Variants in CDK5RAP2 observed in about 807,000 individuals in gnomAD.
CDK5RAP2 encodes CDK5 regulatory subunit associated protein 2.
In CDK5RAP2, 147 loss-of-function variants were observed where a neutral mutation model predicts 232.9. That is an observed-to-expected ratio of 0.63 (90% CI 0.55 to 0.72). The LOEUF (loss-of-function observed/expected upper bound fraction) is 0.72, where lower values mean the gene tolerates loss of function less well. Among genes scored for constraint, CDK5RAP2 ranks in the 30% least tolerant of loss-of-function variants. CDK5RAP2 has a pLI of 0.00. For synonymous variants in CDK5RAP2, 833 were observed against 833.7 expected (o/e 1.00, Z 0.01); for missense variants, 2,195 against 2,231.5 (o/e 0.98, Z 0.33).
chr9:120,531,236 C>G (rs1183137539), intron 7 of CDK5RAP2, among the ~76,000 whole-genome samples: 2 of 152,022 alleles, frequency 1.3e-5, no homozygotes, highest in Non-Finnish European at 2.9e-5. Context: ...GCTATTCCTT[C>G]TACCTAAAAT....
At chr9:120,410,883 T>G (rs571126266) in intron 29 of CDK5RAP2, among the ~76,000 whole-genome samples, 1 of 152,220 alleles carries the variant, frequency 6.6e-6, no homozygotes, top group Non-Finnish European at 1.5e-5. Flanking sequence ...TGAAAGCTCT[T>G]TGGGAGCCAA....
At position 120,403,332 on chromosome 9, in the gene CDK5RAP2, G is replaced by C; in HGVS notation, c.5042-261C>G. 1 of 485,968 alleles carries C rather than the reference G, an allele frequency of 2.1e-6. No individual in the cohort carries two copies. The highest frequency in any genetic ancestry group is 3.8e-6 in the Non-Finnish European group (1 of 266,200). The allele number at this position is 485,968 out of a possible 1,614,324, so 30.1% of individuals were successfully genotyped here. On this transcript the variant is annotated intron_variant, in intron 33 of 37. Coordinates refer to ENST00000349780, the MANE Select transcript of CDK5RAP2 (RefSeq NM_018249.6). The surrounding 1 kb of genome is among the most constrained non-coding windows in gnomAD (Gnocchi z 4.2). ...ACCACCCACTCGGCAGAAGACCCCA[G>C]ATTCACAAGGATGACTCAAGCTGGT...
At chr9:120,413,774 A>AG (rs1051925771) in intron 28 of CDK5RAP2, among the ~76,000 whole-genome samples, 1 of 132,628 alleles carries the variant, frequency 7.5e-6, no homozygotes, top group Admixed American at 7.7e-5. Context: ...CCTGAGGGTG[A>AG]GGGGGGTATA....
intron 3 of CDK5RAP2, among the ~76,000 whole-genome samples, chr9:120,567,203 C>T (rs960207928): frequency 1.3e-5 from 2 of 152,190 alleles, no homozygotes; most frequent in African/African-American, 4.8e-5. Flanking sequence ...CAGCATAGAT[C>T]GAGTTGTACA....
At chr9:120,570,765 C>G (rs191372320) in intron 2 of CDK5RAP2, among the ~76,000 whole-genome samples, 67 of 151,512 alleles carry the variant, frequency 4.4e-4, no homozygotes, top group Non-Finnish European at 8.4e-4. Context: ...CTTGAACCCA[C>G]GAGGCGGAGG....
chr9:120,471,229 G>A (rs2037685952), intron 16 of CDK5RAP2, among the ~76,000 whole-genome samples: 1 of 152,198 alleles, frequency 6.6e-6, no homozygotes, highest in South Asian at 2.1e-4. Flanking sequence ...TCTACCAGGG[G>A]AGAGGGTCAA....
At chr9:120,423,606 CAA>C (rs899806848) in intron 25 of CDK5RAP2, among the ~76,000 whole-genome samples, 15 of 152,296 alleles carry the variant, frequency 9.8e-5, no homozygotes, top group Non-Finnish European at 1.8e-4. Flanking sequence ...GCCTAGATTT[CAA>C]AGAGACTAAC....
intron 3 of CDK5RAP2, among the ~76,000 whole-genome samples, chr9:120,552,275 G>A (rs1489852739): frequency 3.3e-5 from 5 of 151,982 alleles, no homozygotes; most frequent in Admixed American, 2.6e-4. Flanking sequence ...CATTGTGGAA[G>A]TCAGTGTGGC....
chr9:120,465,758 C>T (rs2037344027), intron 18 of CDK5RAP2, among the ~76,000 whole-genome samples: 1 of 150,486 alleles, frequency 6.6e-6, no homozygotes, highest in South Asian at 2.1e-4. Context: ...CAAAGACATT[C>T]ATTAGGAAAT....
At position 120,407,206 on chromosome 9, in the gene CDK5RAP2, T is replaced by G. The variant is rs746195933; in HGVS notation, c.4769A>C (p.Asp1590Ala). ...GATCTCCATCAGGAGGCTGTGCAGG[T>G]CCCTGAAAGGATCCTGCCCCTTCCA... ...EGWKGQDPFR[D>A]LHSLLMEIQA... Residue 1590 changes from aspartate to alanine, a missense_variant, in exon 32 of 38, where the codon GAC becomes GCC. Asp to Ala is a moderately radical substitution (Grantham distance 126). Coordinates refer to ENST00000349780, the MANE Select transcript of CDK5RAP2 (RefSeq NM_018249.6). The G allele has an allele frequency of 1.9e-6, 3 of 1,613,548 alleles. No individual in the cohort carries two copies. In the South Asian group the frequency reaches 3.3e-5, roughly 18 times the overall value.
intron 25 of CDK5RAP2, among the ~76,000 whole-genome samples, chr9:120,428,354 C>T (rs1311149356): frequency 2.0e-5 from 3 of 151,892 alleles, no homozygotes; most frequent in South Asian, 2.1e-4. Context: ...ATTGATAGAC[C>T]GCTAGCAAGA....
At chr9:120,414,663 A>G (rs2034098654) in intron 28 of CDK5RAP2, among the ~76,000 whole-genome samples, 1 of 152,162 alleles carries the variant, frequency 6.6e-6, no homozygotes, top group Non-Finnish European at 1.5e-5. Flanking sequence ...AGTGGGCGGT[A>G]ATGTTTTTAA....
intron 28 of CDK5RAP2, among the ~76,000 whole-genome samples, chr9:120,412,869 A>T (rs1446665706): frequency 2.0e-5 from 3 of 152,044 alleles, no homozygotes; most frequent in Non-Finnish European, 4.4e-5. Context: ...AAGGTTATCT[A>T]ATTGTTTTAC....
In CDK5RAP2 at chr9:120,524,975, T is replaced by C. The variant is rs758589118; in HGVS notation, c.1092+11A>G. On this transcript the variant is annotated intron_variant, in intron 11 of 37. Coordinates refer to ENST00000349780, the MANE Select transcript of CDK5RAP2 (RefSeq NM_018249.6). ...CAAAGAGACAGCCACTTAAGCCAAG[T>C]GTACACTTACCTGAAATTCCTGGGT... 51 of 1,605,716 alleles carry C rather than the reference T, an allele frequency of 3.2e-5. No individual in the cohort carries two copies. In the Admixed American group the frequency reaches 8.2e-4, roughly 26 times the overall value.
intron 20 of CDK5RAP2, among the ~76,000 whole-genome samples, chr9:120,455,799 G>A (rs965975411): frequency 2.0e-5 from 3 of 151,782 alleles, no homozygotes; most frequent in Admixed American, 1.3e-4. Context: ...TGGACGGAGA[G>A]GCCTTGCACA....
At chr9:120,529,489 T>C (rs146750410) in intron 8 of CDK5RAP2, among the ~76,000 whole-genome samples, 78 of 152,278 alleles carry the variant, frequency 5.1e-4, no homozygotes, top group African/African-American at 1.8e-3. Context: ...GACCATGAGC[T>C]CTACCTTGCC....
chr9:120,424,719 T>A (rs889939133), intron 25 of CDK5RAP2, among the ~76,000 whole-genome samples: 3 of 148,544 alleles, frequency 2.0e-5, no homozygotes, highest in Admixed American at 1.3e-4. Flanking sequence ...TTTTTTTTTT[T>A]AATGGAGTCT....
chr9:120,468,110 G>T, intron 17 of CDK5RAP2, 113 bp from the exon 18 acceptor site: 1 of 1,003,490 alleles, frequency 1.0e-6, no homozygotes, highest in Non-Finnish European at 1.6e-6. Context: ...CAGTTACGGG[G>T]AATCAGGCTG....
At chr9:120,559,281 G>A (rs577947735) in intron 3 of CDK5RAP2, among the ~76,000 whole-genome samples, 1 of 152,174 alleles carries the variant, frequency 6.6e-6, no homozygotes, top group South Asian at 2.1e-4. Context: ...GAGGTCAGGA[G>A]ATCGAGACCA....
Sources: gnomAD v4.1 joint callset for allele counts (sites outside exome capture counted in the v4.1 genomes callset) on GRCh38, gnomAD v4.1.1 for gene constraint, Gnocchi (gnomAD v3.1) non-coding constraint, MANE v1.5 for transcripts, NCBI Gene and HGNC (gene_info 2026-07-23, HGNC 2026-07-21) for gene names.